Variants in ZNF609 observed in about 807,000 individuals in gnomAD.
ZNF609 encodes zinc finger protein 609.
In ZNF609, 11 loss-of-function variants were observed where a neutral mutation model predicts 109.5. The ratio of observed to expected loss-of-function variants is 0.10; its 90% CI spans 0.06 to 0.17. ZNF609 has a LOEUF of 0.17. Ranked by LOEUF, ZNF609 falls within the 10% of genes least tolerant of loss-of-function variation. The probability of loss-of-function intolerance (pLI) is 1.00; values close to 1 mark genes in which losing one functional copy is unlikely to be tolerated. For synonymous variants in ZNF609, 646 were observed against 662.0 expected (o/e 0.98, Z 0.37); for missense variants, 1,559 against 1,772.4 (o/e 0.88, Z 2.16).
rs139065140 is a variant in ZNF609, at chr15:64,516,368, T to C, written c.747+16202T>C. Among the ~76,000 whole-genome samples the C allele has an allele frequency of 7.0e-3, 1,067 of 152,216 alleles. 12 individuals are homozygous for C. Among genetic ancestry groups the C allele is most frequent in the African/African-American group, 0.025 (1,019 of 41,490 alleles). ...GAAACCTCATAGAGGTGGGGTTTTT[T>C]TGTTTGTTTTTGCTTTGTTTTGAGA... On this transcript the variant is annotated intron_variant, in intron 2 of 9. Transcript: ENST00000326648.
In ZNF609 at chr15:64,674,470, C is replaced by G. The variant is rs1485580804; in HGVS notation, c.1616C>G (p.Pro539Arg). The G allele has an allele frequency of 6.2e-7, 1 of 1,614,066 alleles. No individual in the cohort carries two copies. Among genetic ancestry groups the G allele is most frequent in the African/African-American group, 1.3e-5 (1 of 74,908 alleles). Residue 539 changes from proline (P) to arginine (R), a missense_variant, in exon 5 of 10, where the codon CCT becomes CGT. Transcript: ENST00000326648. ...ADGDSEYGEE[P>R]ILHADLGSCN... is the part of the protein sequence containing the mutation. ...GGGGACAGTGAGTACGGAGAGGAAC[C>G]TATTCTCCATGCAGATCTTGGGAGC...
intron 2 of ZNF609, among the ~76,000 whole-genome samples, chr15:64,541,018 ACT>A (rs1170559941): frequency 1.6e-5 from 2 of 125,754 alleles, no homozygotes; most frequent in South Asian, 2.6e-4. Flanking sequence ...ACAGAGTAAG[ACT>A]CTGTCTCAAA....
chr15:64,487,466 A>G (rs1056004121), intron 1 of ZNF609, among the ~76,000 whole-genome samples: 2 of 152,196 alleles, frequency 1.3e-5, no homozygotes, highest in Admixed American at 1.3e-4. Context: ...GTATACAGAT[A>G]TGTAACCACT....
At chr15:64,516,822 T>C (rs1893818853) in intron 2 of ZNF609, among the ~76,000 whole-genome samples, 1 of 152,208 alleles carries the variant, frequency 6.6e-6, no homozygotes, top group Admixed American at 6.5e-5. Context: ...TTCTTATGTG[T>C]TTCTGTATCT....
intron 1 of ZNF609, among the ~76,000 whole-genome samples, chr15:64,464,290 C>T (rs1379130780): frequency 6.6e-6 from 1 of 152,208 alleles, no homozygotes; most frequent in East Asian, 1.9e-4. Context: ...AACACTATTG[C>T]CTGAGCTTAG....
chr15:64,620,524 T>C lies in ZNF609; in HGVS notation c.748-2303T>C, dbSNP rs552028048. On this transcript the variant is annotated intron_variant, in intron 2 of 9. Transcript: ENST00000326648. ...CCAAGAAGGTTGGGAAATTAAATTA[T>C]AAATGCCCAGTTTTCAAGAGAGCAA... is the stretch of plus-strand genomic sequence containing the variant. Among the ~76,000 whole-genome samples, 3 of 152,380 alleles carry C rather than the reference T, an allele frequency of 2.0e-5. No homozygotes were observed. The East Asian group carries it at 5.8e-4, about 29-fold the overall frequency.
chr15:64,526,962 T>C (rs1175092401), intron 2 of ZNF609, among the ~76,000 whole-genome samples: 1 of 152,076 alleles, frequency 6.6e-6, no homozygotes, highest in Non-Finnish European at 1.5e-5. Context: ...AATATGAGAT[T>C]TTGAAGGGAA....
rs748903154 is a variant in ZNF609 at position 64,674,957 on chromosome 15, C to G, written c.2103C>G (p.Leu701=). The G allele has an allele frequency of 6.2e-7, 1 of 1,614,104 alleles. No homozygotes were observed. Among genetic ancestry groups the G allele is most frequent in the East Asian group, 2.2e-5 (1 of 44,886 alleles). ...AAGCCATGCCCAACAGTCCCCAACT[C>G]AAGCCCATTCAGCCCAAGCCCACTG... ...VAQAMPNSPQ[L]KPIQPKPTVM... Residue 701 remains leucine (L), a synonymous_variant, in exon 5 of 10, where the codon CTC becomes CTG. Coordinates refer to ENST00000326648, the MANE Select transcript of ZNF609 (RefSeq NM_015042.2).
intron 2 of ZNF609, among the ~76,000 whole-genome samples, chr15:64,587,687 AAG>A (rs1667280399): frequency 6.6e-6 from 1 of 152,144 alleles, no homozygotes; most frequent in African/African-American, 2.4e-5. Context: ...GGAGATGTGA[AAG>A]AGGGAATACC....
Position 64,674,679 on chromosome 15 carries a change from T to A in ZNF609, c.1825T>A (p.Ser609Thr). ...TDLGALSNDGSDDGPSVMDET... is the reference protein window; with the variant it reads ...TDLGALSNDGTDDGPSVMDET... ...CCTTGGGGCCTTATCCAATGATGGC[T>A]CTGATGATGGACCCTCAGTGATGGA... The change falls in exon 5 of 10, where the codon TCT becomes ACT. Residue 609 changes from serine to threonine, a missense_variant. This residue lies in a region of ZNF609 where 1,204 missense variants were observed against 1,314.1 expected (regional missense o/e 0.92). Transcript: ENST00000326648. The A allele has an allele frequency of 1.9e-6, 3 of 1,614,190 alleles. No homozygotes were observed. Among genetic ancestry groups the A allele is most frequent in the Non-Finnish European group, 2.5e-6 (3 of 1,180,044 alleles).
At chr15:64,678,076 A>G in intron 5 of ZNF609, 40 bp from the exon 6 acceptor site, 1 of 1,585,602 alleles carries the variant, frequency 6.3e-7, no homozygotes, top group Non-Finnish European at 8.6e-7. Context: ...TATCTGTCTT[A>G]TCTGTACAAC....
intron 4 of ZNF609, 113 bp from the exon 5 acceptor site, chr15:64,673,803 T>C: frequency 8.3e-7 from 1 of 1,209,260 alleles, no homozygotes; most frequent in Non-Finnish European, 1.1e-6. Context: ...TAACAAATCA[T>C]ATTCATTGAA....
intron 2 of ZNF609, among the ~76,000 whole-genome samples, chr15:64,599,474 A>G (rs1895459621): frequency 6.6e-6 from 1 of 152,088 alleles, no homozygotes; most frequent in African/African-American, 2.4e-5. Flanking sequence ...TTAATCAGAA[A>G]TTCTAATCAT....
In ZNF609 at chr15:64,678,439, C is replaced by A; in HGVS notation, c.3726C>A (p.Pro1242=). 1 of 1,606,596 alleles carries A rather than the reference C, an allele frequency of 6.2e-7. No individual in the cohort carries two copies. Among genetic ancestry groups the A allele is most frequent in the South Asian group, 1.1e-5 (1 of 89,654 alleles). ...GTCAGTCCTACGACCCCAACCACCC[C>A]AGCTACCGGAGCATGCCTGCTGTGA... ...SYSQSYDPNH[P]SYRSMPAVMM... Residue 1242 remains proline, a synonymous_variant, in exon 6 of 10, where the codon CCC becomes CCA. Coordinates refer to ENST00000326648, the MANE Select transcript of ZNF609 (RefSeq NM_015042.2).
At chr15:64,545,966 T>C (rs907896649) in intron 2 of ZNF609, among the ~76,000 whole-genome samples, 4 of 152,236 alleles carry the variant, frequency 2.6e-5, no homozygotes, top group Non-Finnish European at 5.9e-5. Context: ...TGAACATTCA[T>C]GTACACAAAG....
chr15:64,502,185 T>G (rs567482037), intron 2 of ZNF609: 1 of 152,362 alleles, frequency 6.6e-6, no homozygotes, highest in East Asian at 1.9e-4. Context: ...CTATACAGTT[T>G]CATGTAACCA....
intron 2 of ZNF609, among the ~76,000 whole-genome samples, chr15:64,609,100 C>CT (rs1222504453): frequency 3.0e-5 from 1 of 33,146 alleles, no homozygotes; most frequent in Non-Finnish European, 9.8e-5. Context: ...TTCTTTCTTT[C>CT]TTTCTTTCTT....
In ZNF609 at chr15:64,607,869, TTCTTTCTTTCTTCTTTCTTTTCTTTC is replaced by T. The variant is rs1567027760; in HGVS notation, c.748-14956_748-14931del. ...TTTCTTTCTTTCTTTCTTTCTTTCTTTCTTTCTTTCTTCTTTCTTTTCTTTCTTTTTTTTTTTTTTTTTTTTTGAGA... is the reference window on the plus strand; with the variant it reads ...TTTCTTTCTTTCTTTCTTTCTTTCTTTTTTTTTTTTTTTTTTTTTTTGAGA... On this transcript the variant is annotated intron_variant, in intron 2 of 9. Coordinates refer to ENST00000326648, the MANE Select transcript of ZNF609 (RefSeq NM_015042.2). Among the ~76,000 whole-genome samples, 134 of 29,252 alleles carry T rather than the reference TTCTTTCTTTCTTCTTTCTTTTCTTTC, an allele frequency of 4.6e-3. 4 individuals are homozygous for T. The highest frequency in any genetic ancestry group is 5.9e-3 in the Non-Finnish European group (60 of 10,250). 19.2% of individuals were successfully genotyped at this position (29,252 alleles called of 152,430 possible).
chr15:64,630,956 C>A (rs775783460), intron 3 of ZNF609, among the ~76,000 whole-genome samples: 5 of 152,192 alleles, frequency 3.3e-5, no homozygotes, highest in African/African-American at 4.8e-5. Flanking sequence ...GCAAGAAATA[C>A]ATTAAATTTG....
Sources: allele counts gnomAD v4.1 joint callset (sites outside exome capture counted in the v4.1 genomes callset), GRCh38; gene constraint gnomAD v4.1.1; regional missense constraint gnomAD v4.1.1; transcripts MANE v1.5; gene names NCBI Gene and HGNC (gene_info 2026-07-23, HGNC 2026-07-21).